Variants in CALCRL observed in about 807,000 individuals in gnomAD.
The protein encoded by CALCRL is calcitonin gene-related peptide type 1 receptor.
In CALCRL, 27 loss-of-function variants were observed where a neutral mutation model predicts 60.4. The observed-to-expected ratio is 0.45, with a 90% CI of 0.33 to 0.62. The LOEUF is 0.62. Ranked by LOEUF, CALCRL falls within the 20% of genes least tolerant of loss-of-function variation. CALCRL has a pLI of 0.03. For synonymous variants in CALCRL, 190 were observed against 182.6 expected (o/e 1.04, Z -0.33); for missense variants, 424 against 540.7 (o/e 0.78, Z 2.14).
chr2:187,410,714 G>A (rs1309239611), intron 1 of CALCRL, among the ~76,000 whole-genome samples: 1 of 152,164 alleles, frequency 6.6e-6, no homozygotes, highest in Non-Finnish European at 1.5e-5. Context: ...GCCCACAGGG[G>A]AAGAATGTTA....
intron 1 of CALCRL, among the ~76,000 whole-genome samples, chr2:187,414,321 A>G (rs1689498851): frequency 6.6e-6 from 1 of 152,092 alleles, no homozygotes; most frequent in African/African-American, 2.4e-5. Flanking sequence ...TATCTAAGAA[A>G]GTTTCTGAAT....
intron 12 of CALCRL, among the ~76,000 whole-genome samples, chr2:187,358,406 TTC>T (rs1296611380): frequency 6.6e-6 from 1 of 152,068 alleles, no homozygotes; most frequent in African/African-American, 2.4e-5. Flanking sequence ...CGAATGTGAC[TTC>T]TGTTTTCCTG....
chr2:187,352,491 A>G (rs901550953), intron 12 of CALCRL, among the ~76,000 whole-genome samples, 159 bp from the exon 13 acceptor site: 1 of 151,840 alleles, frequency 6.6e-6, no homozygotes, highest in Admixed American at 6.6e-5. Flanking sequence ...ATATTTCTGG[A>G]ATTGTGATTT....
chr2:187,406,166 A>C (rs949666367), intron 1 of CALCRL, among the ~76,000 whole-genome samples: 2 of 146,888 alleles, frequency 1.4e-5, no homozygotes, highest in Admixed American at 7.0e-5. Context: ...CCAACACAAA[A>C]CAAACCAAAC....
At chr2:187,425,018 A>G (rs1010945615) in intron 1 of CALCRL, among the ~76,000 whole-genome samples, 1 of 151,954 alleles carries the variant, frequency 6.6e-6, no homozygotes, top group African/African-American at 2.4e-5. Flanking sequence ...ATTGACTATT[A>G]GAATTAGTTT....
At chr2:187,377,851 A>T (rs1481961402) in intron 8 of CALCRL, among the ~76,000 whole-genome samples, 1 of 152,158 alleles carries the variant, frequency 6.6e-6, no homozygotes, top group African/African-American at 2.4e-5. Context: ...AAAAATAGTT[A>T]AAATATTTTA....
At chr2:187,428,783 C>G (rs1029047492) in intron 1 of CALCRL, 1 of 151,830 alleles carries the variant, frequency 6.6e-6, no homozygotes, top group South Asian at 2.1e-4. Context: ...GTCCCAGCTA[C>G]TCGGGAGGCT....
chr2:187,415,547 ACT>A (rs1689564228), intron 1 of CALCRL: 3 of 450,724 alleles, frequency 6.7e-6, no homozygotes, highest in Non-Finnish European at 8.1e-6. Context: ...GGGACAGGAA[ACT>A]CTGCCAATGT....
At chr2:187,437,108 C>T (rs1320734397) in intron 1 of CALCRL, among the ~76,000 whole-genome samples, 1 of 152,160 alleles carries the variant, frequency 6.6e-6, no homozygotes, top group Non-Finnish European at 1.5e-5. Flanking sequence ...ATCTCCCAAG[C>T]CTTCACATTG....
intron 1 of CALCRL, among the ~76,000 whole-genome samples, chr2:187,443,090 T>G (rs958748053): frequency 1.3e-5 from 2 of 151,870 alleles, no homozygotes; most frequent in Non-Finnish European, 2.9e-5. Context: ...TCAAGTTCTA[T>G]GGAGATAGTA....
Position 187,387,695 on chromosome 2 carries a change from A to T in CALCRL, c.-231T>A. 1 of 397,028 alleles carries T rather than the reference A, an allele frequency of 2.5e-6. No homozygotes were observed. The highest frequency in any genetic ancestry group is 4.4e-6 in the Non-Finnish European group (1 of 225,160). The allele number at this position is 397,028 out of a possible 1,614,324, so 24.6% of individuals were successfully genotyped here. Reference sequence around the variant, plus strand: ...ACAATTGTCTCCAGTCTCAAATCACATTTTCTCTTGGATCATATTTGACAT... The same window carrying T: ...ACAATTGTCTCCAGTCTCAAATCACTTTTTCTCTTGGATCATATTTGACAT... On this transcript the variant is annotated 5_prime_UTR_variant, in exon 2 of 15. The change abolishes an upstream ATG in the 5' untranslated region. Coordinates refer to ENST00000392370, the MANE Select transcript of CALCRL (RefSeq NM_005795.6).
intron 14 of CALCRL, among the ~76,000 whole-genome samples, chr2:187,351,334 C>A (rs1324764997): frequency 2.0e-5 from 3 of 150,942 alleles, no homozygotes; most frequent in Non-Finnish European, 3.0e-5. Context: ...ATGCCTGAAA[C>A]TTCCCAAGTA....
In CALCRL at chr2:187,346,025, G is replaced by A; in HGVS notation, c.*159C>T. ...TCTTTTTTCCCACATAGAGCTGGAT[G>A]TTACACTCTTATCAACACACTACTA... On this transcript the variant is annotated 3_prime_UTR_variant, in exon 15 of 15. Coordinates refer to ENST00000392370, the MANE Select transcript of CALCRL (RefSeq NM_005795.6). 3.6e-6 allele frequency: 2 copies of A among 549,746 alleles called. No individual in the cohort carries two copies. The highest frequency in any genetic ancestry group is 5.3e-5 in the South Asian group (2 of 38,046). The allele number at this position is 549,746 out of a possible 1,614,324, so 34.1% of individuals were successfully genotyped here. A position where few individuals can be genotyped will look rare whatever the true frequency, so the allele number is the denominator to read the frequency against.
chr2:187,421,703 G>A (rs1470515371), intron 1 of CALCRL, among the ~76,000 whole-genome samples: 2 of 152,082 alleles, frequency 1.3e-5, no homozygotes, highest in Admixed American at 6.6e-5. Flanking sequence ...TGGGCCCTAC[G>A]GCAGCACAAT....
At chr2:187,410,699 C>T (rs1689319132) in intron 1 of CALCRL, among the ~76,000 whole-genome samples, 1 of 152,072 alleles carries the variant, frequency 6.6e-6, no homozygotes, top group Admixed American at 6.6e-5. Flanking sequence ...AACATCAGTT[C>T]CACAGCCCAC....
chr2:187,406,905 A>G (rs1304819424), intron 1 of CALCRL, among the ~76,000 whole-genome samples: 1 of 152,064 alleles, frequency 6.6e-6, no homozygotes, highest in Non-Finnish European at 1.5e-5. Flanking sequence ...ATTTTGTACA[A>G]TAACGCTAGT....
intron 1 of CALCRL, chr2:187,442,165 T>C (rs547412866): frequency 2.0e-4 from 30 of 147,902 alleles, no homozygotes; most frequent in Non-Finnish European, 4.3e-4. Flanking sequence ...CACACATATA[T>C]ACGCACACAT....
intron 1 of CALCRL, among the ~76,000 whole-genome samples, chr2:187,390,253 C>T (rs1688378732): frequency 6.6e-6 from 1 of 152,040 alleles, no homozygotes; most frequent in South Asian, 2.1e-4. Context: ...ACATTTAGGG[C>T]ACTGTAGTAC....
chr2:187,379,196 G>A (rs541611698), intron 7 of CALCRL, among the ~76,000 whole-genome samples, 165 bp from the exon 8 acceptor site: 43 of 152,114 alleles, frequency 2.8e-4, no homozygotes, highest in African/African-American at 6.7e-4. Context: ...ATACTTGAAC[G>A]TGTCTGGAAT....
Sources: allele counts gnomAD v4.1 joint callset (sites outside exome capture counted in the v4.1 genomes callset), GRCh38; gene constraint gnomAD v4.1.1; transcripts MANE v1.5; gene names NCBI Gene and HGNC (gene_info 2026-07-23, HGNC 2026-07-21).